The following FBXL5 variants were observed in gnomAD, a reference collection of about 807,000 sequenced individuals.
The protein encoded by FBXL5 is F-box and leucine rich repeat protein 5.
FBXL5 carries 26 observed loss-of-function variants against 78.3 expected under a neutral mutation model. That is an observed-to-expected ratio of 0.33 (90% CI 0.24 to 0.46). The LOEUF (loss-of-function observed/expected upper bound fraction) is 0.46. Ranked by LOEUF, FBXL5 falls within the 20% of genes least tolerant of loss-of-function variation. FBXL5 has a pLI of 1.00. For missense variants in FBXL5, 710 were observed against 829.2 expected (o/e 0.86, Z 1.77); for synonymous variants, 295 against 282.5 (o/e 1.04, Z -0.45).
At chr4:15,607,380 G>C (rs897116801) in intron 10 of FBXL5, among the ~76,000 whole-genome samples, 6 of 152,028 alleles carry the variant, frequency 3.9e-5, no homozygotes, top group African/African-American at 1.4e-4. Context: ...GTCTTTAAAT[G>C]AGAAGTTAAA....
intron 1 of FBXL5, among the ~76,000 whole-genome samples, chr4:15,672,461 C>T (rs1717806560): frequency 6.6e-6 from 1 of 152,180 alleles, no homozygotes; most frequent in East Asian, 1.9e-4. Context: ...ATGGCACTGC[C>T]TATAGTTTTT....
chr4:15,636,457 A>G, intron 5 of FBXL5, 37 bp downstream of exon 5: 1 of 1,432,876 alleles, frequency 7.0e-7, no homozygotes, highest in Non-Finnish European at 9.3e-7. Flanking sequence ...TCATCTAGAA[A>G]AATACATGAA....
At chr4:15,628,671 A>AGT (rs1713308750) in intron 6 of FBXL5, among the ~76,000 whole-genome samples, 2 of 152,086 alleles carry the variant, frequency 1.3e-5, no homozygotes, top group South Asian at 4.1e-4. Context: ...CATTTAAAAC[A>AGT]AAACTAAGTA....
chr4:15,651,390 T>G (rs993170864), intron 1 of FBXL5, among the ~76,000 whole-genome samples: 1 of 152,234 alleles, frequency 6.6e-6, no homozygotes, highest in Non-Finnish European at 1.5e-5. Flanking sequence ...TAAGACTGTT[T>G]CCTCAACTTT....
intron 1 of FBXL5, among the ~76,000 whole-genome samples, chr4:15,669,818 T>C (rs1363383468): frequency 6.6e-6 from 1 of 152,192 alleles, no homozygotes; most frequent in Non-Finnish European, 1.5e-5. Flanking sequence ...ACCACATATT[T>C]TACTGATATT....
chr4:15,610,130 C>T (rs1431033097), intron 10 of FBXL5, among the ~76,000 whole-genome samples: 1 of 151,920 alleles, frequency 6.6e-6, no homozygotes, highest in Non-Finnish European at 1.5e-5. Flanking sequence ...CAAGGATGCC[C>T]CTGAGCATTC....
At chr4:15,669,386 T>C (rs1717670355) in intron 1 of FBXL5, among the ~76,000 whole-genome samples, 1 of 152,194 alleles carries the variant, frequency 6.6e-6, no homozygotes, top group Non-Finnish European at 1.5e-5. Context: ...ACCACCATCA[T>C]ATATGTAGTG....
chr4:15,605,778 C>A lies in FBXL5; in HGVS notation c.2021G>T (p.Ser674Ile). ...ACCACACTGCAAATTCTGGCATCCA[C>A]TGGCGGTATCAGCATGAGGACCTGT... is the stretch of plus-strand genomic sequence containing the variant. ...NINGPHADTA[S>I]GCQNLQCGFR... Residue 674 changes from serine to isoleucine, a missense_variant, in exon 11 of 11, where the codon AGT becomes ATT. Physicochemically the swap from Ser to Ile is moderately radical, Grantham distance 142. Around this residue, in one of 4 missense-constraint regions of FBXL5, gnomAD observed 58 missense variants for 112.3 expected, o/e 0.52. Transcript: ENST00000341285. The A allele has an allele frequency of 6.2e-7, 1 of 1,613,664 alleles. No homozygotes were observed. Among genetic ancestry groups the A allele is most frequent in the Non-Finnish European group, 8.5e-7 (1 of 1,179,740 alleles).
At chr4:15,662,681 T>A (rs766510700), upstream of FBXL5, among the ~76,000 whole-genome samples, 5 of 152,148 alleles carry the variant, frequency 3.3e-5, no homozygotes, top group Non-Finnish European at 7.4e-5. Flanking sequence ...TTTTTCAATA[T>A]CATTCTAGAG....
At chr4:15,628,843 G>A (rs904387002) in intron 6 of FBXL5, among the ~76,000 whole-genome samples, 1 of 151,732 alleles carries the variant, frequency 6.6e-6, no homozygotes, top group Non-Finnish European at 1.5e-5. Context: ...ACTTTAGTGA[G>A]CCCTACTATA....
intron 4 of FBXL5, among the ~76,000 whole-genome samples, chr4:15,638,154 G>C (rs1028617561): frequency 6.6e-6 from 1 of 152,138 alleles, no homozygotes; most frequent in Non-Finnish European, 1.5e-5. Flanking sequence ...GGATGATATC[G>C]CAAAAGTGCT....
chr4:15,652,242 G>A (rs1486920294), intron 1 of FBXL5, among the ~76,000 whole-genome samples: 1 of 152,128 alleles, frequency 6.6e-6, no homozygotes, highest in Non-Finnish European at 1.5e-5. Flanking sequence ...TGAATTAGCA[G>A]GAGATTTCTT....
chr4:15,626,764 T>A, intron 8 of FBXL5, 109 bp downstream of exon 8: 2 of 780,054 alleles, frequency 2.6e-6, no homozygotes, highest in Non-Finnish European at 4.1e-6. Context: ...TACTCAGACA[T>A]GACTGAGATT....
At position 15,625,436 on chromosome 4, in the gene FBXL5, C is replaced by T. The variant is rs1174823217; in HGVS notation, c.1666G>A (p.Ala556Thr). ...GGGAGTGATGACATAGTTCTTAAAG[C>T]TGTTCCTGTACAACAAAATGAGTGA... is the stretch of plus-strand genomic sequence containing the variant. ...CGHSFCCTGT[A>T]LRTMSSLPES... is the part of the protein sequence containing the mutation. The change falls in exon 9 of 11, where the codon GCT (alanine) becomes ACT (threonine). Residue 556 changes from alanine to threonine, a missense_variant. By Grantham distance (58) the Ala-to-Thr change is moderately conservative (BLOSUM62 0). Coordinates refer to ENST00000341285, the MANE Select transcript of FBXL5 (RefSeq NM_012161.4). 1 of 1,614,114 alleles carries T rather than the reference C, an allele frequency of 6.2e-7. No homozygotes were observed.
upstream of FBXL5, among the ~76,000 whole-genome samples, chr4:15,657,647 A>T (rs1717068349): frequency 6.6e-6 from 1 of 152,264 alleles, no homozygotes; most frequent in Non-Finnish European, 1.5e-5. Flanking sequence ...AAGTGATTTT[A>T]AAAATAATCC....
intron 3 of FBXL5, among the ~76,000 whole-genome samples, chr4:15,640,422 C>G (rs1324569049): frequency 8.6e-6 from 1 of 116,896 alleles, no homozygotes; most frequent in Non-Finnish European, 1.9e-5. Flanking sequence ...ATGAAAAAAT[C>G]TTTAAACATA....
chr4:15,672,373 G>T (rs1481528860), intron 1 of FBXL5, among the ~76,000 whole-genome samples: 3 of 152,096 alleles, frequency 2.0e-5, no homozygotes, highest in Non-Finnish European at 4.4e-5. Flanking sequence ...GCACCTTTAG[G>T]TAATTTCATC....
upstream of FBXL5, among the ~76,000 whole-genome samples, chr4:15,662,788 T>C (rs944352408): frequency 1.3e-5 from 2 of 152,240 alleles, no homozygotes; most frequent in African/African-American, 4.8e-5. Context: ...TTTTTTGTCT[T>C]TGCAAAGGTG....
At chr4:15,640,945 C>A in intron 2 of FBXL5, 62 bp from the exon 3 acceptor site, 1 of 882,506 alleles carries the variant, frequency 1.1e-6, no homozygotes, top group Non-Finnish European at 1.7e-6. Flanking sequence ...ATGTCTGGTC[C>A]CAGGAAGTTT....
Sources: allele counts gnomAD v4.1 joint callset (sites outside exome capture counted in the v4.1 genomes callset), GRCh38; gene constraint gnomAD v4.1.1; regional missense constraint gnomAD v4.1.1; transcripts MANE v1.5; gene names NCBI Gene and HGNC (gene_info 2026-07-23, HGNC 2026-07-21).